MYO3A: variants seen among roughly 807,000 people sequenced by gnomAD.
MYO3A encodes myosin IIIA.
In MYO3A, 180 loss-of-function variants were observed where a neutral mutation model predicts 192.7. That is an observed-to-expected ratio of 0.93 (90% CI 0.83 to 1.06). The LOEUF is 1.06. MYO3A is among the 50% of genes least tolerant of loss of function. The pLI is 0.00. For synonymous variants in MYO3A, 628 were observed against 645.3 expected, an observed-to-expected ratio of 0.97 and a Z score of 0.41; for missense variants, 1,896 against 1,905.0, an observed-to-expected ratio of 1.00 and a Z score of 0.09.
chr10:26,179,303 A>T (rs1339107605), intron 31 of MYO3A, among the ~76,000 whole-genome samples: 1 of 151,166 alleles, frequency 6.6e-6, no homozygotes, highest in Non-Finnish European at 1.5e-5. Flanking sequence ...GGGTTTTACC[A>T]TGTTGGCCAG....
intron 6 of MYO3A, among the ~76,000 whole-genome samples, chr10:25,998,021 G>C (rs186036217): frequency 6.6e-6 from 1 of 152,108 alleles, no homozygotes; most frequent in Non-Finnish European, 1.5e-5. Context: ...GGTGGGTAAG[G>C]TATCCCTCCT....
At chr10:26,182,719 C>T (rs756882901) in intron 31 of MYO3A, among the ~76,000 whole-genome samples, 2 of 152,194 alleles carry the variant, frequency 1.3e-5, no homozygotes, top group East Asian at 1.9e-4. Context: ...TTAGATGCCA[C>T]CTCTGAGTTT....
intron 10 of MYO3A, among the ~76,000 whole-genome samples, chr10:26,064,980 T>C (rs1834722980): frequency 2.0e-5 from 3 of 152,052 alleles, no homozygotes; most frequent in Admixed American, 2.0e-4. Flanking sequence ...GGCTATGATA[T>C]AAGGAAGTGA....
chr10:26,150,858 A>G (rs1239237072), intron 23 of MYO3A, among the ~76,000 whole-genome samples: 2 of 150,106 alleles, frequency 1.3e-5, no homozygotes, highest in African/African-American at 4.9e-5. Context: ...TTTGTGTTTT[A>G]TTTTGTTTCC....
intron 20 of MYO3A, among the ~76,000 whole-genome samples, chr10:26,140,819 TCAGA>T (rs1273490786): frequency 2.0e-5 from 3 of 152,152 alleles, no homozygotes; most frequent in Non-Finnish European, 2.9e-5. Flanking sequence ...AAAAGGGAAC[TCAGA>T]CAGTCTGAAG....
At chr10:26,130,110 C>CT (rs370456396) in intron 20 of MYO3A, among the ~76,000 whole-genome samples, 228 of 144,592 alleles carry the variant, frequency 1.6e-3, no homozygotes, top group African/African-American at 2.8e-3. Flanking sequence ...TTACAAATTG[C>CT]TTTTTTTTTT....
chr10:26,183,702 A>G (rs1463114303), intron 31 of MYO3A, among the ~76,000 whole-genome samples: 1 of 152,082 alleles, frequency 6.6e-6, no homozygotes, highest in Non-Finnish European at 1.5e-5. Context: ...GCAGGAAGAG[A>G]AAGGCCACGG....
rs1837058446 is a variant in MYO3A at position 26,096,646 on chromosome 10, T to C, written c.1740T>C (p.Ile580=). ...NSFYKSQYEL[I]EQCFKVIGFT... The stretch of plus-strand genomic sequence containing the variant: ...TCTATAAATCCCAGTATGAATTAAT[T>C]GAGCAATGTTTCAAAGTCATAGGTT... The change falls in exon 17 of 35, where the codon ATT becomes ATC. Residue 580 remains isoleucine (I), a synonymous_variant. Coordinates refer to ENST00000642920, the MANE Select transcript of MYO3A (RefSeq NM_017433.5). 5 of 1,601,278 alleles carry C rather than the reference T, an allele frequency of 3.1e-6. No individual in the cohort carries two copies. The South Asian group carries it at 5.5e-5, about 18-fold the overall frequency.
At chr10:26,162,911 T>C (rs1841550915) in intron 26 of MYO3A, among the ~76,000 whole-genome samples, 1 of 152,220 alleles carries the variant, frequency 6.6e-6, no homozygotes, top group African/African-American at 2.4e-5. Context: ...TAATTGAAGA[T>C]ACATTGAGGA....
chr10:26,068,884 G>T lies in MYO3A; in HGVS notation c.1170G>T (p.Lys390Asn), dbSNP rs771616016. The change falls in exon 12 of 35, where the codon AAG (lysine) becomes AAT (asparagine). Residue 390 changes from lysine (K) to asparagine (N), a missense_variant and splice_region_variant. Physicochemically the swap from Lys to Asn is moderately conservative, Grantham distance 94. Coordinates refer to ENST00000642920, the MANE Select transcript of MYO3A (RefSeq NM_017433.5). Reference protein sequence around the residue: ...PFQSLGLYSTKHSKLYIGSKR... With the variant: ...PFQSLGLYSTNHSKLYIGSKR... ...AGAGTCTGGGTCTTTACTCCACAAA[G>T]GTATGTCGTATGGGGTGCATTCTGT... is the stretch of plus-strand genomic sequence containing the variant. 6.5e-7 allele frequency: 1 copy of T among 1,539,868 alleles called. No individual in the cohort carries two copies. Among genetic ancestry groups the T allele is most frequent in the South Asian group, 1.1e-5 (1 of 89,554 alleles).
At chr10:25,993,526 G>C (rs1840197263) in intron 4 of MYO3A, among the ~76,000 whole-genome samples, 2 of 152,070 alleles carry the variant, frequency 1.3e-5, no homozygotes, top group South Asian at 4.1e-4. Flanking sequence ...GTTCTGCTCT[G>C]ATCTTAGTTA....
chr10:25,954,833 G>C (rs1837434258), intron 3 of MYO3A, 41 bp from the exon 4 acceptor site: 8 of 1,590,948 alleles, frequency 5.0e-6, no homozygotes, highest in Non-Finnish European at 6.9e-6. Flanking sequence ...CATTACTCAT[G>C]GTTTTCTCAC....
chr10:26,114,618 A>G (rs1166971103), intron 17 of MYO3A, among the ~76,000 whole-genome samples: 2 of 152,206 alleles, frequency 1.3e-5, no homozygotes, highest in Non-Finnish European at 2.9e-5. Context: ...AGTAGAAACA[A>G]TGAGGCACAG....
intron 27 of MYO3A, among the ~76,000 whole-genome samples, chr10:26,168,499 A>G (rs183703304): frequency 7.9e-4 from 121 of 152,322 alleles, no homozygotes; most frequent in African/African-American, 2.8e-3. Flanking sequence ...AATAAACAGC[A>G]TGGTTGTCAC....
chr10:26,007,490 C>G (rs1358578398), intron 6 of MYO3A, among the ~76,000 whole-genome samples: 1 of 151,494 alleles, frequency 6.6e-6, no homozygotes, highest in Admixed American at 6.6e-5. Flanking sequence ...ACCCCATCGT[C>G]TCAGCTGAAA....
intron 15 of MYO3A, among the ~76,000 whole-genome samples, chr10:26,094,056 A>G (rs1160389917): frequency 6.6e-6 from 1 of 152,200 alleles, no homozygotes; most frequent in Non-Finnish European, 1.5e-5. Flanking sequence ...AAGACCAGAG[A>G]TCTGCATTAT....
At chr10:25,973,837 G>C in intron 4 of MYO3A, among the ~76,000 whole-genome samples, 1 of 152,168 alleles carries the variant, frequency 6.6e-6, no homozygotes, top group East Asian at 1.9e-4. Context: ...ACAAGCAATG[G>C]AGAAAGGATT....
rs34387841 is a variant in MYO3A, at chr10:26,075,609, C to CAT, written c.1359+5217_1359+5218dup. ...ATATATGATATATATATGTCTCTCT[C>CAT]ATATATATATGATATATATGTCTCT... On this transcript the variant is annotated intron_variant, in intron 14 of 34. Coordinates refer to ENST00000642920, the MANE Select transcript of MYO3A (RefSeq NM_017433.5). Among the ~76,000 whole-genome samples the CAT allele has an allele frequency of 2.6e-3, 374 of 141,826 alleles. 3 individuals carry two copies. Among genetic ancestry groups the CAT allele is most frequent in the African/African-American group, 9.1e-3 (353 of 38,704 alleles). 93.0% of individuals were successfully genotyped at this position (141,826 alleles called of 152,430 possible).
At chr10:26,137,099 T>C (rs1235551158) in intron 20 of MYO3A, among the ~76,000 whole-genome samples, 1 of 152,156 alleles carries the variant, frequency 6.6e-6, no homozygotes, top group Admixed American at 6.5e-5. Flanking sequence ...TGAGACTATA[T>C]AAAAAATAAA....
Sources: allele counts gnomAD v4.1 joint callset (sites outside exome capture counted in the v4.1 genomes callset), GRCh38; gene constraint gnomAD v4.1.1; transcripts MANE v1.5; gene names NCBI Gene and HGNC (gene_info 2026-07-23, HGNC 2026-07-21).